DOCK1: variants seen among roughly 807,000 people sequenced by gnomAD.
The protein encoded by DOCK1 is dedicator of cytokinesis protein 1.
Under a neutral mutation model 262.7 loss-of-function variants are expected in DOCK1, and 138 were observed. The observed-to-expected ratio is 0.53, with a 90% confidence interval of 0.46 to 0.61. The LOEUF is 0.61. Among genes scored for constraint, DOCK1 ranks in the 20% least tolerant of loss-of-function variants. The probability of loss-of-function intolerance (pLI) is 0.00; values close to 1 mark genes in which losing one functional copy is unlikely to be tolerated. For missense variants in DOCK1, 1,908 were observed against 2,370.7 expected (o/e 0.80, Z 4.05); for synonymous variants, 866 against 867.4 (o/e 1.00, Z 0.03).
chr10:127,195,567 G>A (rs74792054), intron 27 of DOCK1, among the ~76,000 whole-genome samples: 1 of 151,054 alleles, frequency 6.6e-6, no homozygotes, highest in African/African-American at 2.4e-5. Context: ...TTTCCAGGGC[G>A]CTTTAGTTTG....
intron 46 of DOCK1, 76 bp from the exon 47 acceptor site, chr10:127,425,798 C>T: frequency 6.4e-7 from 1 of 1,573,894 alleles, no homozygotes; most frequent in Non-Finnish European, 8.7e-7. Flanking sequence ...TGCCAGTTCC[C>T]CTTTCCCCAA....
chr10:127,354,630 C>G (rs1026674771), intron 31 of DOCK1, 39 bp from the exon 32 acceptor site: 9 of 1,612,628 alleles, frequency 5.6e-6, no homozygotes, highest in Non-Finnish European at 7.6e-6. Context: ...CAAATGCCTT[C>G]CGGAGTGATT....
At chr10:127,003,319 ATGAACCTGTGTGAACCTGTG>A (rs538405141) in intron 10 of DOCK1, among the ~76,000 whole-genome samples, 3 of 149,814 alleles carry the variant, frequency 2.0e-5, no homozygotes, top group Non-Finnish European at 1.5e-5. Flanking sequence ...TGTAACCTTT[ATGAACCTGTGTGAACCTGTG>A]TGAACCTGCA....
chr10:127,356,327 C>T (rs1252469530), intron 32 of DOCK1, among the ~76,000 whole-genome samples: 1 of 152,244 alleles, frequency 6.6e-6, no homozygotes, highest in Non-Finnish European at 1.5e-5. Flanking sequence ...GCCTGATTCA[C>T]ATGGCTCAGT....
intron 26 of DOCK1, among the ~76,000 whole-genome samples, 152 bp from the exon 27 acceptor site, chr10:127,127,517 G>A (rs1387669492): frequency 1.3e-5 from 2 of 152,022 alleles, no homozygotes; most frequent in African/African-American, 4.8e-5. Flanking sequence ...TTTTTTGTGA[G>A]AGCTTTTGCC....
intron 24 of DOCK1, 81 bp downstream of exon 24, chr10:127,106,382 AG>A: frequency 6.8e-7 from 1 of 1,474,424 alleles, no homozygotes; most frequent in Non-Finnish European, 9.2e-7. Flanking sequence ...TGGGATGCTC[AG>A]GGTTCTGCCT....
At chr10:127,147,289 T>C (rs60629047) in intron 27 of DOCK1, among the ~76,000 whole-genome samples, 15,015 of 151,934 alleles carry the variant, frequency 0.099, 2,131 homozygotes, top group African/African-American at 0.32. Context: ...TCCTTGGGGG[T>C]GCCCTGGCTG....
At chr10:127,168,844 T>C (rs2054310347) in intron 27 of DOCK1, among the ~76,000 whole-genome samples, 1 of 152,172 alleles carries the variant, frequency 6.6e-6, no homozygotes, top group South Asian at 2.1e-4. Flanking sequence ...CAATTTTCCA[T>C]GTGGGTTCTT....
chr10:127,326,140 A>T (rs1400844275), intron 29 of DOCK1, among the ~76,000 whole-genome samples: 3 of 152,202 alleles, frequency 2.0e-5, no homozygotes, highest in Admixed American at 2.0e-4. Context: ...CTGCTGACTG[A>T]TCAGGATGGT....
intron 19 of DOCK1, 137 bp downstream of exon 19, chr10:127,037,953 A>C: frequency 1.4e-6 from 1 of 711,150 alleles, no homozygotes; most frequent in Non-Finnish European, 2.2e-6. Context: ...TGACATAGGG[A>C]TTGGGTGCGG....
At chr10:127,449,902 C>CACCATTACCTCATTAAGCAAAATGA (rs2070843714) in intron 51 of DOCK1, among the ~76,000 whole-genome samples, 1 of 152,118 alleles carries the variant, frequency 6.6e-6, no homozygotes, top group African/African-American at 2.4e-5. Context: ...AATCATTTTG[C>CACCATTACCTCATTAAGCAAAATGA]TTAATGGTGA....
chr10:127,324,824 A>C (rs2062688584), intron 29 of DOCK1, among the ~76,000 whole-genome samples: 1 of 152,168 alleles, frequency 6.6e-6, no homozygotes. Context: ...CTGTCATTTG[A>C]GGTGCTCTGC....
At chr10:127,164,676 CT>C (rs1491000078) in intron 27 of DOCK1, among the ~76,000 whole-genome samples, 1 of 152,108 alleles carries the variant, frequency 6.6e-6, no homozygotes, top group Non-Finnish European at 1.5e-5. Context: ...TAAGGCAGGA[CT>C]TTTTATTTTT....
intron 27 of DOCK1, among the ~76,000 whole-genome samples, chr10:127,241,084 A>G (rs1397526241): frequency 6.6e-6 from 1 of 152,166 alleles, no homozygotes; most frequent in Non-Finnish European, 1.5e-5. Context: ...AATGCTCTGG[A>G]GGCCAAGGCG....
chr10:127,150,326 C>T lies in DOCK1; in HGVS notation c.2847+22562C>T, dbSNP rs112541837. 5.7e-3 allele frequency among the ~76,000 whole-genome samples: 874 copies of T among 152,068 alleles called. 4 individuals are homozygous for T. The highest frequency in any genetic ancestry group is 9.4e-3 in the Non-Finnish European group (636 of 67,998). On this transcript the variant is annotated intron_variant, in intron 27 of 51. Coordinates refer to ENST00000623213, the MANE Select transcript of DOCK1 (RefSeq NM_001290223.2). ...GCTGCGAGGTCATCCAGCTCAATCC[C>T]CATTGCTCACCCTCCCCTTTCTCTT...
At chr10:127,406,877 A>T (rs372556697) in intron 40 of DOCK1, among the ~76,000 whole-genome samples, 3 of 152,218 alleles carry the variant, frequency 2.0e-5, no homozygotes, top group African/African-American at 7.2e-5. Context: ...CATGTAAAGC[A>T]TAAGAAAAAT....
intron 23 of DOCK1, among the ~76,000 whole-genome samples, chr10:127,076,317 C>G (rs568230063): frequency 6.6e-6 from 1 of 152,094 alleles, no homozygotes; most frequent in African/African-American, 2.4e-5. Context: ...CTGGCTAACA[C>G]GGTGAAACCC....
chr10:127,418,749 G>A (rs1362766203), intron 45 of DOCK1, among the ~76,000 whole-genome samples: 4 of 152,240 alleles, frequency 2.6e-5, no homozygotes, highest in Non-Finnish European at 4.4e-5. Flanking sequence ...GCTCCCCTGG[G>A]CATCCCCAGA....
chr10:127,264,703 C>T (rs1043291651), intron 29 of DOCK1, among the ~76,000 whole-genome samples: 4 of 152,010 alleles, frequency 2.6e-5, no homozygotes, highest in Admixed American at 1.3e-4. Context: ...CTCTGTTGTC[C>T]AGGCTGGAGT....
Sources: allele counts gnomAD v4.1 joint callset (sites outside exome capture counted in the v4.1 genomes callset), GRCh38; gene constraint gnomAD v4.1.1; transcripts MANE v1.5; gene names NCBI Gene and HGNC (gene_info 2026-07-23, HGNC 2026-07-21).